OXTR: variants seen among roughly 807,000 people sequenced by gnomAD.
The protein encoded by OXTR is oxytocin receptor.
OXTR carries 19 observed loss-of-function variants against 23.9 expected under a neutral mutation model. That is an observed-to-expected ratio of 0.80 (90% confidence interval 0.56 to 1.17). OXTR has a LOEUF of 1.17. OXTR is among the 50% of genes most tolerant of loss of function. The probability of loss-of-function intolerance (pLI) is 0.00; values close to 1 mark genes in which losing one functional copy is unlikely to be tolerated. For missense variants in OXTR, 500 were observed against 550.7 expected, an observed-to-expected ratio of 0.91 and a Z score of 0.92; for synonymous variants, 278 against 250.5, an observed-to-expected ratio of 1.11 and a Z score of -1.04.
intron 3 of OXTR, among the ~76,000 whole-genome samples, chr3:8,754,422 C>A (rs1005926348): frequency 6.6e-6 from 1 of 152,222 alleles, no homozygotes; most frequent in Non-Finnish European, 1.5e-5. Context: ...TGTTCAGCCA[C>A]CTCCTTGTGT....
In OXTR at chr3:8,769,435, A is replaced by T. The variant is rs571216866; in HGVS notation, c.-443T>A. 6.6e-6 allele frequency: 1 copy of T among 152,490 alleles called. No individual in the cohort carries two copies. Among genetic ancestry groups the T allele is most frequent in the South Asian group, 2.1e-4 (1 of 4,830 alleles). 9.4% of individuals were successfully genotyped at this position (152,490 alleles called of 1,614,324 possible). ...GCCTGGCTGGTCGCTGGATGGGTAC[A>T]GGAGGCGAGCGAGGAGCGCCTCCCA... On this transcript the variant is annotated 5_prime_UTR_variant, in exon 1 of 4. Transcript: ENST00000316793.
In OXTR at chr3:8,752,181, T is replaced by A. The variant is rs1202221236; in HGVS notation, c.*796A>T. ...TAAAGAAATACAATTCATTTTTGTATATTGATCTTGTATCTTGAAACCTTG... is the reference window on the plus strand; with the variant it reads ...TAAAGAAATACAATTCATTTTTGTAAATTGATCTTGTATCTTGAAACCTTG... On this transcript the variant is annotated 3_prime_UTR_variant, in exon 4 of 4. Transcript: ENST00000316793. The A allele has an allele frequency of 6.6e-6, 1 of 152,200 alleles. No homozygotes were observed. Among genetic ancestry groups the A allele is most frequent in the Admixed American group, 6.5e-5 (1 of 15,278 alleles). The allele number at this position is 152,200 out of a possible 1,614,324, so 9.4% of individuals were successfully genotyped here.
chr3:8,761,111 C>T (rs1410022909), intron 3 of OXTR, among the ~76,000 whole-genome samples: 9 of 152,168 alleles, frequency 5.9e-5, no homozygotes, highest in East Asian at 1.9e-4. Context: ...CATACACACA[C>T]GCCAAAGACT....
At chr3:8,748,425 G>C (rs1708203226), downstream of OXTR, among the ~76,000 whole-genome samples, 1 of 152,154 alleles carries the variant, frequency 6.6e-6, no homozygotes, top group Admixed American at 6.5e-5. Flanking sequence ...TGATTCCAGA[G>C]AATGGGACCA....
chr3:8,762,216 C>A (rs1177286517), intron 3 of OXTR, among the ~76,000 whole-genome samples: 1 of 152,160 alleles, frequency 6.6e-6, no homozygotes, highest in East Asian at 1.9e-4. Context: ...CCCTCCTCAC[C>A]CCTCCCGAAA....
rs1164269056 is a variant in OXTR at position 8,767,869 on chromosome 3, C to G, written c.319G>C (p.Gly107Arg). 2 of 1,613,424 alleles carry G rather than the reference C, an allele frequency of 1.2e-6. No individual in the cohort carries two copies. The highest frequency in any genetic ancestry group is 1.7e-6 in the Non-Finnish European group (2 of 1,179,746). ...LLWDITFRFY[G>R]PDLLCRLVKY... ...ACCAGGCGGCACAGCAGGTCGGGCC[C>G]GTAGAAGCGGAAGGTGATGTCCCAC... is the stretch of plus-strand genomic sequence containing the variant. The change falls in exon 3 of 4, where the codon GGG becomes CGG. Residue 107 changes from glycine to arginine, a missense_variant. By Grantham distance (125) the Gly-to-Arg change is moderately radical. Transcript: ENST00000316793.
chr3:8,745,925 G>T (rs1272904069), downstream of OXTR: 16 of 1,425,302 alleles, frequency 1.1e-5, no homozygotes, highest in Non-Finnish European at 1.4e-5. This position sits in a 1 kb window ranked among gnomAD's most constrained non-coding sequence, Gnocchi z 4.8. Context: ...ACTGGTCCCC[G>T]GGGGACTTCT....
At position 8,768,550 on chromosome 3, in the gene OXTR, GC is replaced by G; in HGVS notation, c.-198del. On this transcript the variant is annotated 5_prime_UTR_variant, in exon 2 of 4. Coordinates refer to ENST00000316793, the MANE Select transcript of OXTR (RefSeq NM_000916.4). The surrounding 1 kb of genome is among the most constrained non-coding windows in gnomAD (Gnocchi z 5.4). ...ATCCTCTACCGGCCACAAGCCCAGAGCCCCCAGCGTGCCAGTTCCTCGGGAT... is the reference window on the plus strand; with the variant it reads ...ATCCTCTACCGGCCACAAGCCCAGAGCCCCAGCGTGCCAGTTCCTCGGGAT... 5.1e-6 allele frequency: 1 copy of G among 197,776 alleles called. No individual in the cohort carries two copies. The highest frequency in any genetic ancestry group is 1.2e-4 in the East Asian group (1 of 8,350). 12.3% of individuals were successfully genotyped at this position (197,776 alleles called of 1,614,324 possible). A position where few individuals can be genotyped will look rare whatever the true frequency, so the allele number is the denominator to read the frequency against.
intron 3 of OXTR, among the ~76,000 whole-genome samples, chr3:8,763,296 C>A (rs1708530071): frequency 6.6e-6 from 1 of 152,144 alleles, no homozygotes; most frequent in East Asian, 1.9e-4. Flanking sequence ...ACATCAACCC[C>A]AGGCAGTGAG....
rs1708686407 is a variant in OXTR at position 8,768,324 on chromosome 3, T to A, written c.-137A>T. 1 of 1,196,012 alleles carries A rather than the reference T, an allele frequency of 8.4e-7. No individual in the cohort carries two copies. 74.1% of individuals were successfully genotyped at this position (1,196,012 alleles called of 1,614,324 possible). A position where few individuals can be genotyped will look rare whatever the true frequency, so the allele number is the denominator to read the frequency against. On this transcript the variant is annotated 5_prime_UTR_variant, in exon 3 of 4. Transcript: ENST00000316793. The surrounding 1 kb of genome is among the most constrained non-coding windows in gnomAD (Gnocchi z 5.4). Reference sequence around the variant, plus strand: ...AGACTCCACGGACGGATCTGCTGGGTCCACCCTGAAACAAACCGGGAGGGC... The same window carrying A: ...AGACTCCACGGACGGATCTGCTGGGACCACCCTGAAACAAACCGGGAGGGC...
chr3:8,759,284 T>C (rs890066405), intron 3 of OXTR, among the ~76,000 whole-genome samples: 14 of 152,216 alleles, frequency 9.2e-5, no homozygotes, highest in East Asian at 1.9e-4. Context: ...CCTGATTTCT[T>C]CCCAGGGAGA....
the OXTR span, among the ~76,000 whole-genome samples, chr3:8,744,367 C>T: frequency 1.6e-4 from 25 of 151,548 alleles, no homozygotes; most frequent in South Asian, 5.2e-3. Context: ...CAAGCCCCGC[C>T]TCCCGGGTTT....
At chr3:8,742,519 T>G in the OXTR span, 2 of 456,412 alleles carry the variant, frequency 4.4e-6, no homozygotes, top group Middle Eastern at 6.5e-4. Context: ...ACACGCAGAC[T>G]CATTTATAAC....
intron 3 of OXTR, among the ~76,000 whole-genome samples, chr3:8,757,759 A>G (rs1366467481): frequency 1.3e-5 from 2 of 151,918 alleles, no homozygotes; most frequent in Non-Finnish European, 2.9e-5. Flanking sequence ...GAGGCTGTCC[A>G]CCCGGACTCC....
chr3:8,747,777 C>T (rs539436137), downstream of OXTR, among the ~76,000 whole-genome samples: 16 of 152,318 alleles, frequency 1.1e-4, no homozygotes, highest in Admixed American at 4.6e-4. Flanking sequence ...CCCTTTCAAA[C>T]GTCTCTTGAA....
Position 8,769,233 on chromosome 3 carries a change from G to C in OXTR, c.-241C>G, listed in dbSNP as rs1170944247. 1 of 152,306 alleles carries C rather than the reference G, an allele frequency of 6.6e-6. No homozygotes were observed. Among genetic ancestry groups the C allele is most frequent in the Non-Finnish European group, 1.5e-5 (1 of 68,090 alleles). The allele number at this position is 152,306 out of a possible 1,614,324, so 9.4% of individuals were successfully genotyped here. On this transcript the variant is annotated splice_region_variant and 5_prime_UTR_variant, in exon 1 of 4. Transcript: ENST00000316793. Reference sequence around the variant, plus strand: ...ACCCCTGCTTAGCACCCAGCTACCTGCACCGAGTCCGCAGGCGAACCTAAA... The same window carrying C: ...ACCCCTGCTTAGCACCCAGCTACCTCCACCGAGTCCGCAGGCGAACCTAAA...
Position 8,762,683 on chromosome 3 carries a change from G to T in OXTR, c.922+4583C>A, listed in dbSNP as rs1287865569. ...GGAAAGGTGTACGGGACATGCCCGA[G>T]GATCCTCAGTCCCACAGAAACAGGG... On this transcript the variant is annotated intron_variant, in intron 3 of 3. Coordinates refer to ENST00000316793, the MANE Select transcript of OXTR (RefSeq NM_000916.4). Among the ~76,000 whole-genome samples, 4 of 152,238 alleles carry T rather than the reference G, an allele frequency of 2.6e-5. No homozygotes were observed. The East Asian group carries it at 7.7e-4, about 29-fold the overall frequency.
Position 8,767,712 on chromosome 3 carries a change from G to A in OXTR, c.476C>T (p.Ala159Val). The A allele has an allele frequency of 1.9e-6, 3 of 1,609,926 alleles. No homozygotes were observed. The highest frequency in any genetic ancestry group is 2.5e-6 in the Non-Finnish European group (3 of 1,178,232). ...RRRTDRLAVLATWLGCLVASA... is the reference protein window; with the variant it reads ...RRRTDRLAVLVTWLGCLVASA... ...GGCCACCAGGCAGCCGAGCCACGTG[G>A]CGAGCACTGCCAGGCGGTCGGTGCG... is the stretch of plus-strand genomic sequence containing the variant. The change falls in exon 3 of 4, where the codon GCC becomes GTC. Residue 159 changes from alanine to valine, a missense_variant. Ala to Val is a moderately conservative substitution (Grantham distance 64). Transcript: ENST00000316793.
chr3:8,753,074 C>T lies in OXTR; in HGVS notation c.1073G>A (p.Gly358Glu). 6.2e-7 allele frequency: 1 copy of T among 1,614,146 alleles called. No homozygotes were observed. Among genetic ancestry groups the T allele is most frequent in the Middle Eastern group, 1.6e-4 (1 of 6,062 alleles). Residue 358 changes from glycine to glutamate, a missense_variant, in exon 4 of 4, where the codon GGA (glycine) becomes GAA (glutamate). Physicochemically the swap from Gly to Glu is moderately conservative, Grantham distance 98. Coordinates refer to ENST00000316793, the MANE Select transcript of OXTR (RefSeq NM_000916.4). ...SASYLKGRRL[G>E]ETSASKKSNS... ...GCTCTTTTTGCTGGCACTCGTCTCT[C>T]CCAGGCGTCTGCCCTTCAGGTAGCT...
Sources: allele counts gnomAD v4.1 joint callset (sites outside exome capture counted in the v4.1 genomes callset), GRCh38; gene constraint gnomAD v4.1.1; non-coding constraint Gnocchi (gnomAD v3.1); transcripts MANE v1.5; gene names NCBI Gene and HGNC (gene_info 2026-07-23, HGNC 2026-07-21).